The following HERPUD2 variants were observed in gnomAD, a reference collection of about 807,000 sequenced individuals.
HERPUD2 encodes homocysteine-responsive endoplasmic reticulum-resident ubiquitin-like domain member 2 protein.
Under a neutral mutation model 49.9 loss-of-function variants are expected in HERPUD2, and 13 were observed. The ratio of observed to expected loss-of-function variants is 0.26; its 90% CI spans 0.17 to 0.41. The LOEUF (loss-of-function observed/expected upper bound fraction) is 0.41, where lower values mean the gene tolerates loss of function less well. Among genes scored for constraint, HERPUD2 ranks in the 10% least tolerant of loss-of-function variants. The probability of loss-of-function intolerance (pLI) is 1.00; values close to 1 mark genes in which losing one functional copy is unlikely to be tolerated. For missense variants in HERPUD2, 449 were observed against 492.2 expected (o/e 0.91, Z 0.83); for synonymous variants, 172 against 171.4 (o/e 1.00, Z -0.03).
intron 2 of HERPUD2, among the ~76,000 whole-genome samples, chr7:35,693,927 C>T (rs1196548475): frequency 4.6e-5 from 7 of 152,084 alleles, no homozygotes; most frequent in Admixed American, 3.9e-4. Flanking sequence ...TGAGCCACCG[C>T]GCCCGGTCTT....
chr7:35,693,551 TTATC>T (rs1172108505), intron 2 of HERPUD2, among the ~76,000 whole-genome samples: 27 of 152,068 alleles, frequency 1.8e-4, no homozygotes, highest in Admixed American at 1.1e-3. Context: ...TTGTAGTGCT[TTATC>T]TTTTTTTTTT....
intron 5 of HERPUD2, among the ~76,000 whole-genome samples, chr7:35,657,634 G>A (rs866748700): frequency 4.1e-5 from 6 of 146,672 alleles, no homozygotes; most frequent in South Asian, 2.2e-4. Flanking sequence ...AAGGCCGGGC[G>A]CGGTGGCTCA....
At chr7:35,690,722 T>C (rs12532178) in intron 2 of HERPUD2, among the ~76,000 whole-genome samples, 20,874 of 152,086 alleles carry the variant, frequency 0.14, 1,625 homozygotes, top group East Asian at 0.25. Context: ...GGCAGGAGAA[T>C]TGCTTGAAGG....
intron 3 of HERPUD2, among the ~76,000 whole-genome samples, chr7:35,671,680 A>C (rs1785647691): frequency 6.6e-6 from 1 of 152,058 alleles, no homozygotes; most frequent in African/African-American, 2.4e-5. Context: ...CTTTAATAAA[A>C]ACAGTTGAAA....
rs370790777 is a variant in HERPUD2, at chr7:35,694,136, C to T, written c.147+48G>A. The stretch of plus-strand genomic sequence containing the variant: ...GCAGGAAAAAGGAGGGTACACGGCA[C>T]GAAAAGCTGCTGGTCAGAGCAGCTG... On this transcript the variant is annotated intron_variant, in intron 2 of 8. Coordinates refer to ENST00000311350, the MANE Select transcript of HERPUD2 (RefSeq NM_022373.5). 2.4e-4 allele frequency: 392 copies of T among 1,609,086 alleles called. 4 individuals are homozygous for T. Among genetic ancestry groups the T allele is most frequent in the South Asian group, 1.8e-3 (168 of 90,942 alleles).
chr7:35,639,054 A>G (rs1049246949), intron 5 of HERPUD2, among the ~76,000 whole-genome samples: 2 of 151,002 alleles, frequency 1.3e-5, no homozygotes, highest in Non-Finnish European at 2.9e-5. Context: ...TTTGAGACGG[A>G]ATCTCGCTCT....
At chr7:35,652,867 AATT>A (rs574394116) in intron 5 of HERPUD2, among the ~76,000 whole-genome samples, 2 of 152,126 alleles carry the variant, frequency 1.3e-5, no homozygotes, top group African/African-American at 2.4e-5. Context: ...TCCAAGAAAT[AATT>A]AAGGGAGCCC....
intron 5 of HERPUD2, among the ~76,000 whole-genome samples, chr7:35,647,124 A>T (rs1371969999): frequency 6.6e-6 from 1 of 152,220 alleles, no homozygotes; most frequent in Non-Finnish European, 1.5e-5. Context: ...AAACTTTCAC[A>T]GGAAACTTGT....
At chr7:35,689,556 G>C (rs1445769457) in intron 2 of HERPUD2, among the ~76,000 whole-genome samples, 3 of 152,178 alleles carry the variant, frequency 2.0e-5, no homozygotes, top group Non-Finnish European at 4.4e-5. Context: ...ATGAAAGTAA[G>C]ACTTCTGATT....
chr7:35,687,190 T>C (rs1786082181), intron 2 of HERPUD2, among the ~76,000 whole-genome samples: 1 of 152,232 alleles, frequency 6.6e-6, no homozygotes, highest in Non-Finnish European at 1.5e-5. Flanking sequence ...AAACATTGCA[T>C]GGTACCCTTC....
chr7:35,672,945 T>C (rs1328508842), intron 3 of HERPUD2, among the ~76,000 whole-genome samples: 1 of 152,122 alleles, frequency 6.6e-6, no homozygotes, highest in Non-Finnish European at 1.5e-5. Context: ...TAGCATTTTC[T>C]TACAAAAAAT....
intron 2 of HERPUD2, among the ~76,000 whole-genome samples, chr7:35,687,801 A>G (rs1319335247): frequency 1.3e-5 from 2 of 152,210 alleles, no homozygotes; most frequent in East Asian, 3.8e-4. Flanking sequence ...CTGGAGTCTG[A>G]TAAATGGGTT....
intron 5 of HERPUD2, among the ~76,000 whole-genome samples, chr7:35,644,983 C>T (rs536284953): frequency 7.2e-5 from 11 of 151,936 alleles, no homozygotes; most frequent in Non-Finnish European, 1.6e-4. Flanking sequence ...ATATCTGTTA[C>T]AAATACACAC....
At position 35,694,255 on chromosome 7, in the gene HERPUD2, T is replaced by C. The variant is rs149626858; in HGVS notation, c.76A>G (p.Ile26Val). The C allele has an allele frequency of 2.8e-4, 445 of 1,614,118 alleles. No individual in the cohort carries two copies. The African/African-American group carries it at 5.3e-3, about 19-fold the overall frequency. Residue 26 changes from isoleucine to valine, a missense_variant, in exon 2 of 9, where the codon ATT (isoleucine) becomes GTT (valine). By Grantham distance (29) the Ile-to-Val change is conservative. Transcript: ENST00000311350. The part of the protein sequence containing the change: ...APNQKYSDQT[I>V]SCFLNWTVGK... ...ACGGTCCAGTTCAAGAAGCAGCTAA[T>C]AGTCTGGTCACTGTATTTCTGATTC...
chr7:35,688,359 T>C (rs1786108858), intron 2 of HERPUD2, among the ~76,000 whole-genome samples: 1 of 152,200 alleles, frequency 6.6e-6, no homozygotes, highest in South Asian at 2.1e-4. Flanking sequence ...TACAGAATAT[T>C]ACAGAGTAAT....
At chr7:35,640,953 T>C (rs959428240) in intron 5 of HERPUD2, among the ~76,000 whole-genome samples, 1 of 152,070 alleles carries the variant, frequency 6.6e-6, no homozygotes, top group African/African-American at 2.4e-5. Flanking sequence ...ACAGATAGCC[T>C]AGAAGAAACT....
chr7:35,675,670 A>C (rs945591063), intron 2 of HERPUD2, among the ~76,000 whole-genome samples: 2 of 152,232 alleles, frequency 1.3e-5, no homozygotes, highest in African/African-American at 4.8e-5. Context: ...AGAACTCTCA[A>C]GTACCCAGCT....
intron 2 of HERPUD2, among the ~76,000 whole-genome samples, chr7:35,675,268 T>C (rs1785737192): frequency 1.3e-5 from 2 of 152,214 alleles, no homozygotes; most frequent in Non-Finnish European, 2.9e-5. Context: ...AAGCATTCTG[T>C]ATTGCGTGTT....
intron 5 of HERPUD2, among the ~76,000 whole-genome samples, chr7:35,658,925 G>T (rs1007439822): frequency 6.6e-6 from 1 of 152,262 alleles, no homozygotes; most frequent in Admixed American, 6.5e-5. Context: ...GGTTCCCAGG[G>T]TATTGTTAGA....
Sources: allele counts gnomAD v4.1 joint callset (sites outside exome capture counted in the v4.1 genomes callset), GRCh38; gene constraint gnomAD v4.1.1; transcripts MANE v1.5; gene names NCBI Gene and HGNC (gene_info 2026-07-23, HGNC 2026-07-21).